Variants in MACROD1 observed in about 807,000 individuals in gnomAD.
MACROD1 encodes mono-ADP ribosylhydrolase 1, also known as ADP-ribose glycohydrolase MACROD1.
MACROD1 carries 31 observed loss-of-function variants against 41.4 expected under a neutral mutation model. The observed-to-expected ratio is 0.75, with a 90% CI of 0.56 to 1.01. The LOEUF (loss-of-function observed/expected upper bound fraction) is 1.01, where lower values mean the gene tolerates loss of function less well. Among genes scored for constraint, MACROD1 ranks in the 50% least tolerant of loss-of-function variants. The pLI is 0.00. For missense variants in MACROD1, 473 were observed against 460.0 expected (o/e 1.03, Z -0.26); for synonymous variants, 252 against 203.4 (o/e 1.24, Z -2.03).
Position 64,090,186 on chromosome 11 carries a change from C to T in MACROD1, c.517+61053G>A, listed in dbSNP as rs1028379284. On this transcript the variant is annotated intron_variant, in intron 3 of 10. Transcript: ENST00000255681. This position sits in a 1 kb window ranked among gnomAD's most constrained non-coding sequence, Gnocchi z 4.7. ...TTCCCAGGCCCCAGGTTTCAGGCCC[C>T]GAACAGCCTGAGTCCACAGGGTGAC... is the stretch of plus-strand genomic sequence containing the variant. Among the ~76,000 whole-genome samples, 3 of 152,132 alleles carry T rather than the reference C, an allele frequency of 2.0e-5. No homozygotes were observed. Among genetic ancestry groups the T allele is most frequent in the African/African-American group, 7.2e-5 (3 of 41,434 alleles).
At chr11:64,027,562 GC>G (rs1943238374) in intron 3 of MACROD1, among the ~76,000 whole-genome samples, 1 of 152,160 alleles carries the variant, frequency 6.6e-6, no homozygotes, top group Admixed American at 6.5e-5. Context: ...GGTAGCTGTA[GC>G]CCCGCCACCC....
chr11:64,015,373 G>A, intron 3 of MACROD1, 92 bp from the exon 4 acceptor site: 4 of 1,270,300 alleles, frequency 3.1e-6, no homozygotes, highest in Non-Finnish European at 3.3e-6. Flanking sequence ...AGATGGGAGT[G>A]GGCTGCCAGC....
intron 3 of MACROD1, among the ~76,000 whole-genome samples, chr11:64,143,545 C>G (rs1168125384): frequency 6.6e-6 from 1 of 152,036 alleles, no homozygotes; most frequent in East Asian, 1.9e-4. Flanking sequence ...CACCAGGAGG[C>G]CTCAGGGGAC....
In MACROD1 at chr11:64,135,374, G is replaced by A. The variant is rs530246226; in HGVS notation, c.517+15865C>T. The stretch of plus-strand genomic sequence containing the variant: ...ACAACGGTCCCTAAAGAGCAACCCC[G>A]GCCAGGGCCGCTCAGCTCTGGAGGT... On this transcript the variant is annotated intron_variant, in intron 3 of 10. Transcript: ENST00000255681. Among the ~76,000 whole-genome samples the A allele has an allele frequency of 4.6e-5, 7 of 152,240 alleles. No homozygotes were observed. The South Asian group carries it at 1.5e-3, about 32-fold the overall frequency.
At chr11:64,150,938 C>G (rs1364372676) in intron 3 of MACROD1, among the ~76,000 whole-genome samples, 1 of 152,238 alleles carries the variant, frequency 6.6e-6, no homozygotes, top group African/African-American at 2.4e-5. Context: ...AAGGTCAGAC[C>G]TCCCCGCTGT....
chr11:64,015,207 G>T (rs765237659), intron 4 of MACROD1, 45 bp downstream of exon 4: 4 of 1,558,428 alleles, frequency 2.6e-6, no homozygotes, highest in East Asian at 2.3e-5. Flanking sequence ...ACCCAGCAGG[G>T]GAGATGCCAC....
chr11:64,067,948 A>G lies in MACROD1; in HGVS notation c.518-52667T>C, dbSNP rs1419712586. Among the ~76,000 whole-genome samples the G allele has an allele frequency of 6.6e-6, 1 of 151,722 alleles. No individual in the cohort carries two copies. Among genetic ancestry groups the G allele is most frequent in the Admixed American group, 6.6e-5 (1 of 15,248 alleles). On this transcript the variant is annotated intron_variant, in intron 3 of 10. Transcript: ENST00000255681. The surrounding 1 kb of genome is among the most constrained non-coding windows in gnomAD (Gnocchi z 4.6). Reference sequence around the variant, plus strand: ...GGTGAACCCATCCCCGTTACAATGCACTCAGGGACCCTGACAACTAATTTA... The same window carrying G: ...GGTGAACCCATCCCCGTTACAATGCGCTCAGGGACCCTGACAACTAATTTA...
intron 3 of MACROD1, among the ~76,000 whole-genome samples, chr11:64,071,749 C>T (rs538955842): frequency 2.2e-4 from 34 of 152,330 alleles, no homozygotes; most frequent in African/African-American, 7.7e-4. Flanking sequence ...TCACAGATGG[C>T]AGGAGACTGG....
chr11:64,034,241 G>GGAC (rs913270898), intron 3 of MACROD1, among the ~76,000 whole-genome samples: 2 of 152,208 alleles, frequency 1.3e-5, no homozygotes, highest in African/African-American at 4.8e-5. Context: ...TGGGAAGGCG[G>GGAC]GACGGAAACC....
In MACROD1 at chr11:64,022,137, G is replaced by C. The variant is rs368302006; in HGVS notation, c.518-6856C>G. 1.8e-4 allele frequency among the ~76,000 whole-genome samples: 28 copies of C among 151,998 alleles called. No individual in the cohort carries two copies. In the East Asian group the frequency reaches 5.4e-3, roughly 29 times the overall value. ...GCTCAGGCAAGAGCAGCCCCTGGGG[G>C]GCCTTGAGAGCCTTAGTGAGAAATG... On this transcript the variant is annotated intron_variant, in intron 3 of 10. Coordinates refer to ENST00000255681, the MANE Select transcript of MACROD1 (RefSeq NM_014067.4).
At chr11:64,111,341 G>A (rs1464876895) in intron 3 of MACROD1, among the ~76,000 whole-genome samples, 1 of 152,232 alleles carries the variant, frequency 6.6e-6, no homozygotes, top group South Asian at 2.1e-4. Flanking sequence ...GGGCCCCCTG[G>A]CAGAGGTGCT....
At chr11:64,126,679 G>A (rs1945186788) in intron 3 of MACROD1, among the ~76,000 whole-genome samples, 1 of 152,078 alleles carries the variant, frequency 6.6e-6, no homozygotes, top group South Asian at 2.1e-4. Context: ...CCAGCCCCTG[G>A]CGGCCAAGGG....
intron 3 of MACROD1, among the ~76,000 whole-genome samples, chr11:64,020,404 T>C (rs1943137409): frequency 6.6e-6 from 1 of 152,034 alleles, no homozygotes; most frequent in African/African-American, 2.4e-5. Flanking sequence ...ACCCTCCCAG[T>C]AGGGAACCCT....
At chr11:64,100,272 G>A (rs1227424232) in intron 3 of MACROD1, among the ~76,000 whole-genome samples, 2 of 152,216 alleles carry the variant, frequency 1.3e-5, no homozygotes, top group Non-Finnish European at 2.9e-5. Flanking sequence ...GCAGAGATGT[G>A]AGATTGGGCA....
chr11:64,038,643 A>G (rs1943428088), intron 3 of MACROD1, among the ~76,000 whole-genome samples: 1 of 152,178 alleles, frequency 6.6e-6, no homozygotes, highest in Non-Finnish European at 1.5e-5. Flanking sequence ...AGCCAGCCAG[A>G]CATCCCCAGA....
chr11:64,013,873 C>A (rs1450846201), intron 4 of MACROD1, among the ~76,000 whole-genome samples: 1 of 152,174 alleles, frequency 6.6e-6, no homozygotes, highest in Non-Finnish European at 1.5e-5. Context: ...TCGCTGGGCT[C>A]ATGCCTACGC....
chr11:64,156,780 C>T (rs1006962900), intron 1 of MACROD1, among the ~76,000 whole-genome samples: 1 of 152,172 alleles, frequency 6.6e-6, no homozygotes, highest in Admixed American at 6.5e-5. Flanking sequence ...GCTGGCTGGG[C>T]GCCGACCTTG....
chr11:64,165,593 G>A (rs1430934936), intron 1 of MACROD1, 104 bp downstream of exon 1: 2 of 1,070,954 alleles, frequency 1.9e-6, no homozygotes, highest in Middle Eastern at 3.1e-4. Flanking sequence ...AACTTCCCCA[G>A]GTCTCTCGGG....
chr11:64,049,168 T>C (rs1298872190), intron 3 of MACROD1, among the ~76,000 whole-genome samples: 1 of 152,120 alleles, frequency 6.6e-6, no homozygotes, highest in Non-Finnish European at 1.5e-5. Context: ...TCTGGGGGAC[T>C]TCAGGGCTGA....
Sources: gnomAD v4.1 joint callset for allele counts (sites outside exome capture counted in the v4.1 genomes callset) on GRCh38, gnomAD v4.1.1 for gene constraint, Gnocchi (gnomAD v3.1) non-coding constraint, MANE v1.5 for transcripts, NCBI Gene and HGNC (gene_info 2026-07-23, HGNC 2026-07-21) for gene names.